SCAF8: variants seen among roughly 807,000 people sequenced by gnomAD.
SCAF8 encodes SR-related and CTD-associated factor 8.
In SCAF8, 23 loss-of-function variants were observed where a neutral mutation model predicts 140.5. The ratio of observed to expected loss-of-function variants is 0.16; its 90% CI spans 0.12 to 0.23. The LOEUF (loss-of-function observed/expected upper bound fraction) is 0.23. Ranked by LOEUF, SCAF8 falls within the 10% of genes least tolerant of loss-of-function variation. The pLI is 1.00. For synonymous variants in SCAF8, 575 were observed against 528.9 expected (o/e 1.09, Z -1.20); for missense variants, 1,397 against 1,555.7 (o/e 0.90, Z 1.72).
chr6:154,775,155 G>A (rs779676581), intron 2 of SCAF8, among the ~76,000 whole-genome samples: 1 of 152,140 alleles, frequency 6.6e-6, no homozygotes, highest in Admixed American at 6.5e-5. Context: ...CGTTGATTTT[G>A]CAGTTTTCTA....
Position 154,808,114 on chromosome 6 carries a change from TTCAGCG to T in SCAF8, c.1030_1035del (p.Ala344_Ser345del). On this transcript the variant is annotated inframe_deletion, in exon 10 of 20. Transcript: ENST00000367178. ...AGGAAGGAACCTTTGGGTCAGAGCA[TTCAGCG>T]TCACCATCACAAGGGAGTAGTCAGC... The T allele has an allele frequency of 6.2e-7, 1 of 1,614,024 alleles. No homozygotes were observed. The highest frequency in any genetic ancestry group is 8.5e-7 in the Non-Finnish European group (1 of 1,179,890).
chr6:154,832,463 C>G lies in SCAF8; in HGVS notation c.2884C>G (p.Leu962Val). Reference protein sequence around the residue: ...IPPPSVLDSALHPPPRGPFPP... With the variant: ...IPPPSVLDSAVHPPPRGPFPP... ...ACCCCCATCGGTACTTGATTCAGCT[C>G]TTCATCCACCACCCCGTGGACCTTT... The change falls in exon 20 of 20, where the codon CTT (leucine) becomes GTT (valine). Residue 962 changes from leucine (L) to valine (V), a missense_variant. Leu to Val is a conservative substitution (Grantham distance 32, BLOSUM62 1). This residue lies in a region of SCAF8 where 930 missense variants were observed against 874.6 expected (regional missense o/e 1.06). Coordinates refer to ENST00000367178, the MANE Select transcript of SCAF8 (RefSeq NM_014892.5). 2 of 1,614,106 alleles carry G rather than the reference C, an allele frequency of 1.2e-6. No individual in the cohort carries two copies. The highest frequency in any genetic ancestry group is 1.7e-6 in the Non-Finnish European group (2 of 1,179,986).
chr6:154,787,737 T>C (rs926289137), intron 3 of SCAF8, 124 bp from the exon 4 acceptor site: 1 of 719,936 alleles, frequency 1.4e-6, no homozygotes, highest in African/African-American at 1.8e-5. Context: ...AGTCAATGTA[T>C]GAATATTCAT....
At chr6:154,734,041 G>GA in intron 1 of SCAF8, 111 bp downstream of exon 1, 1 of 1,401,202 alleles carries the variant, frequency 7.1e-7, no homozygotes, top group Non-Finnish European at 9.3e-7. Flanking sequence ...AGGGTGGGGT[G>GA]AGCGGTGGCC....
chr6:154,824,121 T>C (rs1333490812), intron 16 of SCAF8, 113 bp from the exon 17 acceptor site: 12 of 1,078,922 alleles, frequency 1.1e-5, no homozygotes, highest in Non-Finnish European at 1.6e-5. Context: ...ATAAAACCCT[T>C]TTTAGTAGTA....
intron 1 of SCAF8, among the ~76,000 whole-genome samples, chr6:154,747,844 C>T (rs892669836): frequency 6.6e-6 from 1 of 150,432 alleles, no homozygotes; most frequent in Non-Finnish European, 1.5e-5. Flanking sequence ...CAAAACAGAC[C>T]AAATGAAAAA....
At chr6:154,783,153 A>G (rs573810613) in intron 3 of SCAF8, among the ~76,000 whole-genome samples, 2 of 152,312 alleles carry the variant, frequency 1.3e-5, no homozygotes, top group East Asian at 3.9e-4. Flanking sequence ...CTGGTTTGAA[A>G]TGCAAAAATG....
At chr6:154,813,912 A>G (rs1045656585) in intron 12 of SCAF8, among the ~76,000 whole-genome samples, 2 of 152,238 alleles carry the variant, frequency 1.3e-5, no homozygotes, top group Non-Finnish European at 2.9e-5. Context: ...AGCAAAGGTA[A>G]GGAAACAGAT....
chr6:154,739,541 A>G (rs1778515048), intron 1 of SCAF8, among the ~76,000 whole-genome samples: 2 of 152,294 alleles, frequency 1.3e-5, no homozygotes, highest in South Asian at 4.1e-4. Context: ...GGTTTGAGAT[A>G]TGTCAGAATA....
intron 3 of SCAF8, among the ~76,000 whole-genome samples, chr6:154,784,658 A>G (rs187006433): frequency 7.2e-5 from 11 of 152,338 alleles, no homozygotes; most frequent in Admixed American, 5.9e-4. Context: ...TATTCACAGT[A>G]ATCTAGAGCT....
chr6:154,779,732 A>G (rs1458274419), intron 3 of SCAF8, among the ~76,000 whole-genome samples: 1 of 152,018 alleles, frequency 6.6e-6, no homozygotes, highest in African/African-American at 2.4e-5. Context: ...AGATCCAGCA[A>G]CAGATTTGTG....
intron 3 of SCAF8, among the ~76,000 whole-genome samples, chr6:154,779,733 C>A (rs1777026760): frequency 6.6e-6 from 1 of 151,390 alleles, no homozygotes; most frequent in Non-Finnish European, 1.5e-5. Flanking sequence ...GATCCAGCAA[C>A]AGATTTGTGT....
At chr6:154,825,654 T>TTAA (rs1778544893) in intron 17 of SCAF8, among the ~76,000 whole-genome samples, 1 of 28,482 alleles carries the variant, frequency 3.5e-5, no homozygotes, top group African/African-American at 4.1e-4. Flanking sequence ...AGACCTTGTC[T>TTAA]CAAAAAAAAA....
intron 1 of SCAF8, among the ~76,000 whole-genome samples, chr6:154,757,817 C>T (rs1387518450): frequency 6.6e-6 from 1 of 152,080 alleles, no homozygotes; most frequent in Non-Finnish European, 1.5e-5. Context: ...TTGATAGCTC[C>T]ATCATCTGTG....
intron 1 of SCAF8, among the ~76,000 whole-genome samples, chr6:154,764,711 G>A (rs193183955): frequency 6.6e-6 from 1 of 152,286 alleles, no homozygotes; most frequent in East Asian, 1.9e-4. Flanking sequence ...AGCCTTCGCA[G>A]CATGTAGCCA....
intron 3 of SCAF8, among the ~76,000 whole-genome samples, chr6:154,784,486 T>G (rs1429648635): frequency 6.6e-6 from 1 of 152,202 alleles, no homozygotes; most frequent in East Asian, 1.9e-4. Context: ...TTTATATAAT[T>G]ACAGTCACTC....
Position 154,808,077 on chromosome 6 carries a change from C to T in SCAF8, c.989C>T (p.Pro330Leu). The change falls in exon 10 of 20, where the codon CCT (proline) becomes CTT (leucine). Residue 330 changes from proline (P) to leucine (L), a missense_variant. Physicochemically the swap from Pro to Leu is moderately conservative, Grantham distance 98 (BLOSUM62 -3). Coordinates refer to ENST00000367178, the MANE Select transcript of SCAF8 (RefSeq NM_014892.5). ...TGTATATGTTCTCAATAGGCCACTC[C>T]TCAGGATAGTCAGGAAGGAACCTTT... Reference protein sequence around the residue: ...LEQQQPQKATPQDSQEGTFGS... With the variant: ...LEQQQPQKATLQDSQEGTFGS... 1 of 1,613,634 alleles carries T rather than the reference C, an allele frequency of 6.2e-7. No individual in the cohort carries two copies. Among genetic ancestry groups the T allele is most frequent in the Non-Finnish European group, 8.5e-7 (1 of 1,179,754 alleles).
intron 18 of SCAF8, among the ~76,000 whole-genome samples, chr6:154,828,303 G>A (rs2114691816): frequency 6.6e-6 from 1 of 152,118 alleles, no homozygotes; most frequent in Non-Finnish European, 1.5e-5. Flanking sequence ...AGTGTGGTTG[G>A]TACAGCAAAG....
At chr6:154,794,150 G>A (rs1777516618) in intron 5 of SCAF8, among the ~76,000 whole-genome samples, 2 of 151,920 alleles carry the variant, frequency 1.3e-5, no homozygotes, top group African/African-American at 4.8e-5. Flanking sequence ...GGCTGGTCTC[G>A]AACTCTAGGG....
Sources: gnomAD v4.1 joint callset for allele counts (sites outside exome capture counted in the v4.1 genomes callset) on GRCh38, gnomAD v4.1.1 for gene constraint, gnomAD v4.1.1 regional missense constraint, MANE v1.5 for transcripts, NCBI Gene and HGNC (gene_info 2026-07-23, HGNC 2026-07-21) for gene names.